Variants in DACH1 observed in about 807,000 individuals in gnomAD.
DACH1 encodes the protein dachshund homolog 1.
Under a neutral mutation model 54.2 loss-of-function variants are expected in DACH1, and 12 were observed. The ratio of observed to expected loss-of-function variants is 0.22; its 90% CI spans 0.14 to 0.36. The LOEUF (loss-of-function observed/expected upper bound fraction) is 0.36, where lower values mean the gene tolerates loss of function less well. Ranked by LOEUF, DACH1 falls within the 10% of genes least tolerant of loss-of-function variation. The pLI is 1.00. For missense variants in DACH1, 805 were observed against 929.8 expected (o/e 0.87, Z 1.75); for synonymous variants, 386 against 366.2 (o/e 1.05, Z -0.62).
At chr13:71,687,713 A>T (rs1881254425) in intron 1 of DACH1, among the ~76,000 whole-genome samples, 1 of 152,036 alleles carries the variant, frequency 6.6e-6, no homozygotes, top group African/African-American at 2.4e-5. Context: ...GGCTCAGGTG[A>T]TCCTCCCCGC....
intron 2 of DACH1, among the ~76,000 whole-genome samples, chr13:71,640,351 C>T (rs924717465): frequency 2.0e-5 from 3 of 151,844 alleles, no homozygotes; most frequent in South Asian, 2.1e-4. Flanking sequence ...GTGTATCTGC[C>T]ACAGAAACAA....
In DACH1 at chr13:71,705,644, G is replaced by T. The variant is rs535743748; in HGVS notation, c.849-23734C>A. On this transcript the variant is annotated intron_variant, in intron 1 of 10. Coordinates refer to ENST00000613252, the MANE Select transcript of DACH1 (RefSeq NM_080759.6). ...GATAGGCAATTTGTTAGCTACCAAA[G>T]AAACTCCTCCAATCCTTCCATAGCA... is the stretch of plus-strand genomic sequence containing the variant. Among the ~76,000 whole-genome samples the T allele has an allele frequency of 2.2e-4, 33 of 152,258 alleles. No homozygotes were observed. In the South Asian group the frequency reaches 6.6e-3, roughly 31 times the overall value.
intron 6 of DACH1, among the ~76,000 whole-genome samples, chr13:71,490,039 G>A (rs564087683): frequency 9.2e-4 from 139 of 151,856 alleles, no homozygotes; most frequent in Admixed American, 2.6e-3. Flanking sequence ...TACAAGTTAC[G>A]GCTTATTTTA....
chr13:71,718,878 C>G (rs1883105459), intron 1 of DACH1, among the ~76,000 whole-genome samples: 1 of 152,160 alleles, frequency 6.6e-6, no homozygotes, highest in Non-Finnish European at 1.5e-5. Flanking sequence ...ATCCTGATAA[C>G]TGGCTGCTCT....
At chr13:71,598,488 C>T (rs1457450684) in intron 3 of DACH1, among the ~76,000 whole-genome samples, 1 of 152,098 alleles carries the variant, frequency 6.6e-6, no homozygotes, top group East Asian at 1.9e-4. Flanking sequence ...CTCCTGACCC[C>T]ATGATCCACC....
intron 6 of DACH1, among the ~76,000 whole-genome samples, chr13:71,519,085 C>T (rs1229677683): frequency 6.6e-6 from 1 of 151,640 alleles, no homozygotes; most frequent in African/African-American, 2.4e-5. Flanking sequence ...GTCCAATAAT[C>T]CCAAAATATT....
chr13:71,448,031 A>G (rs911627866), intron 10 of DACH1, among the ~76,000 whole-genome samples: 10 of 152,210 alleles, frequency 6.6e-5, no homozygotes, highest in Non-Finnish European at 1.2e-4. Flanking sequence ...ACAAACATCC[A>G]CAAGGATCTT....
chr13:71,488,070 T>C (rs1043619767), intron 7 of DACH1, among the ~76,000 whole-genome samples: 1 of 152,182 alleles, frequency 6.6e-6, no homozygotes, highest in Non-Finnish European at 1.5e-5. Context: ...TTAAAGGCCT[T>C]CTGTTATGTC....
At chr13:71,799,109 T>C (rs962685677) in intron 1 of DACH1, among the ~76,000 whole-genome samples, 38 of 152,112 alleles carry the variant, frequency 2.5e-4, no homozygotes, top group African/African-American at 8.4e-4. Flanking sequence ...TCAGTTTTAA[T>C]TTGAAAGTTG....
chr13:71,637,515 C>A (rs1259590654), intron 2 of DACH1, among the ~76,000 whole-genome samples: 1 of 152,132 alleles, frequency 6.6e-6, no homozygotes, highest in Non-Finnish European at 1.5e-5. Context: ...TGGCTCTCTA[C>A]ATTGATCAGA....
intron 6 of DACH1, among the ~76,000 whole-genome samples, chr13:71,509,489 T>C (rs892162285): frequency 6.6e-6 from 1 of 152,114 alleles, no homozygotes; most frequent in Non-Finnish European, 1.5e-5. Flanking sequence ...AGTACAAGGT[T>C]ATCAGGGCTT....
At chr13:71,503,761 A>G (rs1864953733) in intron 6 of DACH1, among the ~76,000 whole-genome samples, 1 of 152,202 alleles carries the variant, frequency 6.6e-6, no homozygotes, top group African/African-American at 2.4e-5. Flanking sequence ...TGTCAGGAAT[A>G]TTACGGAAAC....
chr13:71,679,727 A>G (rs139038425), intron 2 of DACH1, among the ~76,000 whole-genome samples: 10,508 of 152,046 alleles, frequency 0.069, 955 homozygotes, highest in African/African-American at 0.21. Context: ...GCTCACGCCT[A>G]TAATCCCAGC....
At chr13:71,581,727 T>C (rs1872866603) in intron 3 of DACH1, among the ~76,000 whole-genome samples, 1 of 152,064 alleles carries the variant, frequency 6.6e-6, no homozygotes, top group African/African-American at 2.4e-5. Context: ...TGTTGTATAG[T>C]GGCATTATTA....
At chr13:71,512,045 C>T (rs1372048570) in intron 6 of DACH1, among the ~76,000 whole-genome samples, 1 of 151,950 alleles carries the variant, frequency 6.6e-6, no homozygotes, top group Admixed American at 6.6e-5. Flanking sequence ...GCTCAAAACG[C>T]TTCATTTCCC....
rs1028790311 is a variant in DACH1, at chr13:71,716,722, A to G, written c.849-34812T>C. Among the ~76,000 whole-genome samples the G allele has an allele frequency of 1.1e-4, 16 of 152,184 alleles. 1 individual carries two copies. Among genetic ancestry groups the G allele is most frequent in the Admixed American group, 1.0e-3 (16 of 15,266 alleles). On this transcript the variant is annotated intron_variant, in intron 1 of 10. Coordinates refer to ENST00000613252, the MANE Select transcript of DACH1 (RefSeq NM_080759.6). ...TAAATGCAGCAACTATGTTCTATAT[A>G]TTCCTCTTTTGCCAGAATTCAATGG...
chr13:71,607,437 A>G (rs1874956483), intron 3 of DACH1, among the ~76,000 whole-genome samples: 1 of 152,116 alleles, frequency 6.6e-6, no homozygotes, highest in African/African-American at 2.4e-5. Context: ...AAGTAACTCA[A>G]GGAAATGCAT....
chr13:71,759,685 T>C (rs1244789187), intron 1 of DACH1, among the ~76,000 whole-genome samples: 3 of 152,200 alleles, frequency 2.0e-5, no homozygotes, highest in Non-Finnish European at 4.4e-5. Context: ...ATGCATGTTA[T>C]AATGAGGCAT....
At chr13:71,547,132 G>T (rs1227986844) in intron 6 of DACH1, among the ~76,000 whole-genome samples, 1 of 151,970 alleles carries the variant, frequency 6.6e-6, no homozygotes, top group Non-Finnish European at 1.5e-5. Context: ...CCAAATAAAG[G>T]TCTGAGGTTA....
Sources: allele counts gnomAD v4.1 joint callset (sites outside exome capture counted in the v4.1 genomes callset), GRCh38; gene constraint gnomAD v4.1.1; transcripts MANE v1.5; gene names NCBI Gene and HGNC (gene_info 2026-07-23, HGNC 2026-07-21).